Variants in RBFOX1 observed in about 807,000 individuals in gnomAD.
RBFOX1 encodes RNA binding protein fox-1 homolog 1.
A neutral mutation model predicts 57.7 loss-of-function variants in RBFOX1; 8 were observed. The observed-to-expected ratio is 0.14, with a 90% CI of 0.08 to 0.25. The LOEUF (loss-of-function observed/expected upper bound fraction) is 0.25. RBFOX1 is among the 10% of genes least tolerant of loss of function. The pLI is 1.00. For synonymous variants in RBFOX1, 326 were observed against 222.4 expected, an observed-to-expected ratio of 1.47 and a Z score of -4.15; for missense variants, 611 against 548.5, an observed-to-expected ratio of 1.11 and a Z score of -1.14.
In RBFOX1 at chr16:6,770,540, A is replaced by G. The variant is rs553045165; in HGVS notation, c.-16+115890A>G. 3.3e-5 allele frequency among the ~76,000 whole-genome samples: 5 copies of G among 152,166 alleles called. No individual in the cohort carries two copies. In the South Asian group the frequency reaches 1.0e-3, roughly 32 times the overall value. ...GAAAATATTTTCTTTCTGCCCCTTT[A>G]CGGAAGATGTTCGTCAACCTAGGGA... On this transcript the variant is annotated intron_variant, in intron 3 of 15. Transcript: ENST00000550418.
intron 3 of RBFOX1, among the ~76,000 whole-genome samples, chr16:6,887,094 C>T (rs2064231604): frequency 1.3e-5 from 2 of 152,156 alleles, no homozygotes; most frequent in South Asian, 2.1e-4. Flanking sequence ...GCTTCAAAAT[C>T]ATCATGTCCC....
chr16:6,040,251 G>T (rs937764320), intron 1 of RBFOX1, among the ~76,000 whole-genome samples: 4 of 152,188 alleles, frequency 2.6e-5, no homozygotes, highest in Non-Finnish European at 5.9e-5. Flanking sequence ...GTATGGTTCA[G>T]TAACATTGAA....
chr16:5,317,356 C>A (rs536241903), intron 1 of RBFOX1, among the ~76,000 whole-genome samples: 1 of 152,286 alleles, frequency 6.6e-6, no homozygotes, highest in Admixed American at 6.5e-5. Context: ...TATCTGTAAT[C>A]CCAGCAGTTT....
intron 3 of RBFOX1, among the ~76,000 whole-genome samples, chr16:6,816,217 G>A (rs943647855): frequency 6.6e-6 from 1 of 152,102 alleles, no homozygotes; most frequent in Non-Finnish European, 1.5e-5. Context: ...AGACTGAGGT[G>A]AGGATTGCTT....
intron 4 of RBFOX1, among the ~76,000 whole-genome samples, chr16:7,160,363 C>T (rs1480535181): frequency 6.6e-6 from 1 of 152,100 alleles, no homozygotes; most frequent in African/African-American, 2.4e-5. Context: ...AACGAATAAA[C>T]CAGACTTTGT....
intron 3 of RBFOX1, among the ~76,000 whole-genome samples, chr16:5,662,606 A>G (rs2049692945): frequency 6.6e-6 from 1 of 152,146 alleles, no homozygotes; most frequent in Non-Finnish European, 1.5e-5. Flanking sequence ...TACCATTTTT[A>G]TTTTATGACA....
At chr16:7,646,028 G>A (rs2063676540) in intron 11 of RBFOX1, among the ~76,000 whole-genome samples, 1 of 151,186 alleles carries the variant, frequency 6.6e-6, no homozygotes, top group Non-Finnish European at 1.5e-5. Context: ...TTTTTGTTTG[G>A]AGCTAGAACT....
intron 3 of RBFOX1, among the ~76,000 whole-genome samples, chr16:5,773,471 G>A (rs570292765): frequency 1.6e-4 from 24 of 152,224 alleles, no homozygotes; most frequent in African/African-American, 5.1e-4. Context: ...ATTCTGTGTC[G>A]TAGTTGATTC....
intron 4 of RBFOX1, among the ~76,000 whole-genome samples, chr16:7,428,976 T>C (rs1003855597): frequency 5.3e-5 from 8 of 152,084 alleles, no homozygotes; most frequent in Admixed American, 5.2e-4. Context: ...AGAAAAAAAG[T>C]GTATCAACAG....
At chr16:5,812,037 A>G (rs1289343748) in intron 3 of RBFOX1, among the ~76,000 whole-genome samples, 3 of 152,198 alleles carry the variant, frequency 2.0e-5, no homozygotes, top group African/African-American at 7.2e-5. Context: ...ATTGAATAGA[A>G]AGAACGTAGT....
At chr16:6,936,413 A>G (rs2077369068) in intron 3 of RBFOX1, among the ~76,000 whole-genome samples, 1 of 152,220 alleles carries the variant, frequency 6.6e-6, no homozygotes, top group Non-Finnish European at 1.5e-5. Flanking sequence ...TGTGAAATGT[A>G]GATAACACCT....
At chr16:7,456,960 G>T (rs1375172936) in intron 4 of RBFOX1, among the ~76,000 whole-genome samples, 2 of 151,700 alleles carry the variant, frequency 1.3e-5, no homozygotes, top group African/African-American at 4.8e-5. Context: ...GCGCGATCCC[G>T]GCTCACTGCA....
intron 4 of RBFOX1, among the ~76,000 whole-genome samples, chr16:7,199,200 A>C (rs1240619112): frequency 5.3e-5 from 8 of 152,186 alleles, no homozygotes; most frequent in Non-Finnish European, 1.2e-4. Flanking sequence ...ACTGCACTTC[A>C]GCATAGAGGG....
intron 3 of RBFOX1, among the ~76,000 whole-genome samples, chr16:6,839,854 G>A (rs1381882955): frequency 1.3e-5 from 2 of 152,168 alleles, no homozygotes; most frequent in Non-Finnish European, 2.9e-5. Context: ...GTTCTTACGT[G>A]ATATTTGGGG....
At chr16:5,886,265 C>T (rs781497021) in intron 4 of RBFOX1, among the ~76,000 whole-genome samples, 1 of 152,116 alleles carries the variant, frequency 6.6e-6, no homozygotes, top group Non-Finnish European at 1.5e-5. Context: ...AAACTAATGC[C>T]TCTGTATCCC....
At chr16:7,527,446 C>A (rs2078955039) in intron 5 of RBFOX1, among the ~76,000 whole-genome samples, 1 of 152,102 alleles carries the variant, frequency 6.6e-6, no homozygotes, top group Admixed American at 6.6e-5. Flanking sequence ...GCATCAAAGA[C>A]CCATGTGTTT....
intron 1 of RBFOX1, among the ~76,000 whole-genome samples, chr16:5,425,237 C>G (rs1248547285): frequency 6.6e-6 from 1 of 151,870 alleles, no homozygotes; most frequent in Non-Finnish European, 1.5e-5. Flanking sequence ...TCCTGAGTAG[C>G]TGGGATTATA....
At chr16:7,068,068 G>A (rs1049540647) in intron 4 of RBFOX1, among the ~76,000 whole-genome samples, 5 of 148,114 alleles carry the variant, frequency 3.4e-5, no homozygotes, top group African/African-American at 1.3e-4. Context: ...TGTTGTATCT[G>A]TCGGACTGGT....
rs746553919 is a variant in RBFOX1, at chr16:7,653,927, C to T, written c.870C>T (p.Pro290=). The T allele has an allele frequency of 9.0e-6, 14 of 1,555,414 alleles. No homozygotes were observed. The highest frequency in any genetic ancestry group is 2.3e-5 in the East Asian group (1 of 43,416). ...CCTTCAGGGCCGCGGCGCCCCCGCC[C>T]CCGATCCCGGCCTACGGCGGGTAAG... is the stretch of plus-strand genomic sequence containing the variant. The part of the protein sequence containing the change: ...YNTFRAAAPP[P]PIPAYGGVVY... The change falls in exon 12 of 16, where the codon CCC becomes CCT. Residue 290 remains proline (P), a synonymous_variant. Coordinates refer to ENST00000550418, the MANE Select transcript of RBFOX1 (RefSeq NM_018723.4).
Sources: gnomAD v4.1 joint callset for allele counts (sites outside exome capture counted in the v4.1 genomes callset) on GRCh38, gnomAD v4.1.1 for gene constraint, MANE v1.5 for transcripts, NCBI Gene and HGNC (gene_info 2026-07-23, HGNC 2026-07-21) for gene names.